The following SLC24A2 variants were observed in gnomAD, a reference collection of about 807,000 sequenced individuals.
SLC24A2 encodes solute carrier family 24 member 2.
A neutral mutation model predicts 62.0 loss-of-function variants in SLC24A2; 36 were observed. That is an observed-to-expected ratio of 0.58 (90% CI 0.44 to 0.77). SLC24A2 has a LOEUF of 0.77. Ranked by LOEUF, SLC24A2 falls within the 30% of genes least tolerant of loss-of-function variation. SLC24A2 has a pLI of 0.00. For missense variants in SLC24A2, 846 were observed against 817.9 expected, an observed-to-expected ratio of 1.03 and a Z score of -0.42; for synonymous variants, 358 against 294.0, an observed-to-expected ratio of 1.22 and a Z score of -2.23.
chr9:20,111,053 T>C, the SLC24A2 span, among the ~76,000 whole-genome samples: 1 of 152,342 alleles, frequency 6.6e-6, no homozygotes, highest in South Asian at 2.1e-4. Context: ...AAGTAAAATG[T>C]GCTGCTGGAT....
the SLC24A2 span, among the ~76,000 whole-genome samples, chr9:20,163,773 C>T: frequency 6.6e-6 from 1 of 152,006 alleles, no homozygotes; most frequent in Non-Finnish European, 1.5e-5. Context: ...GGTACTGGTA[C>T]CAAAACAGAG....
At chr9:19,557,237 T>C (rs1179505076) in intron 7 of SLC24A2, among the ~76,000 whole-genome samples, 2 of 152,342 alleles carry the variant, frequency 1.3e-5, no homozygotes, top group East Asian at 1.9e-4. Context: ...CAGCTTTGTT[T>C]TGTAATAAAT....
chr9:20,253,974 G>C, the SLC24A2 span, among the ~76,000 whole-genome samples: 1 of 152,176 alleles, frequency 6.6e-6, no homozygotes. Context: ...TGGTGTGGAA[G>C]AGAGGGAATA....
At chr9:19,710,641 A>G (rs1048280705) in intron 2 of SLC24A2, among the ~76,000 whole-genome samples, 2 of 152,126 alleles carry the variant, frequency 1.3e-5, no homozygotes, top group African/African-American at 4.8e-5. Context: ...GGAAAATGAT[A>G]TGAGGGATCT....
At chr9:19,774,089 T>C (rs970867897) in intron 2 of SLC24A2, among the ~76,000 whole-genome samples, 1 of 151,810 alleles carries the variant, frequency 6.6e-6, no homozygotes, top group Non-Finnish European at 1.5e-5. Context: ...GAAATGGCAA[T>C]AGGAAAACAC....
chr9:20,095,577 A>G, the SLC24A2 span, among the ~76,000 whole-genome samples: 11 of 152,242 alleles, frequency 7.2e-5, 1 homozygote, highest in Middle Eastern at 6.8e-3. Flanking sequence ...CTACTTCCAG[A>G]CTCAAAGTGA....
the SLC24A2 span, among the ~76,000 whole-genome samples, chr9:19,838,165 A>G: frequency 1.2e-4 from 19 of 152,198 alleles, 1 homozygote; most frequent in African/African-American, 4.6e-4. Context: ...CTGACTTTAA[A>G]CTATACTACA....
chr9:20,091,831 G>A, the SLC24A2 span, among the ~76,000 whole-genome samples: 4 of 152,022 alleles, frequency 2.6e-5, no homozygotes, highest in African/African-American at 9.7e-5. Context: ...GCAAAGACAT[G>A]GAATCAACCT....
chr9:20,002,003 T>G, the SLC24A2 span, among the ~76,000 whole-genome samples: 4 of 152,262 alleles, frequency 2.6e-5, no homozygotes, highest in East Asian at 7.7e-4. Context: ...ATTTATTTAT[T>G]GATAGAATTC....
intron 5 of SLC24A2, among the ~76,000 whole-genome samples, chr9:19,595,595 A>G (rs1238560901): frequency 6.6e-6 from 1 of 152,228 alleles, no homozygotes; most frequent in Non-Finnish European, 1.5e-5. Flanking sequence ...ATCAAGTGAT[A>G]GAATCAGATT....
At chr9:19,566,966 G>C (rs931435453) in intron 7 of SLC24A2, among the ~76,000 whole-genome samples, 17 of 151,800 alleles carry the variant, frequency 1.1e-4, no homozygotes, top group African/African-American at 4.1e-4. Flanking sequence ...GTTGTGGGGT[G>C]GGGGAGGGGG....
chr9:20,247,559 T>G, the SLC24A2 span, among the ~76,000 whole-genome samples: 1 of 152,160 alleles, frequency 6.6e-6, no homozygotes, highest in Non-Finnish European at 1.5e-5. Context: ...AAGTCAATTG[T>G]CTACCAGGAA....
chr9:19,605,303 T>C (rs1028550085), intron 4 of SLC24A2, among the ~76,000 whole-genome samples: 3 of 152,234 alleles, frequency 2.0e-5, no homozygotes, highest in African/African-American at 4.8e-5. Flanking sequence ...TTTTTTAGTC[T>C]GCTGAACACC....
the SLC24A2 span, among the ~76,000 whole-genome samples, chr9:20,265,576 G>A: frequency 3.3e-5 from 5 of 152,126 alleles, no homozygotes; most frequent in African/African-American, 1.2e-4. Flanking sequence ...GTTTTCATAA[G>A]CTGAGGAGGA....
chr9:20,036,724 T>A, the SLC24A2 span, among the ~76,000 whole-genome samples: 1 of 152,212 alleles, frequency 6.6e-6, no homozygotes, highest in African/African-American at 2.4e-5. Context: ...TCTTTCGGTA[T>A]CCCTGGGGGA....
At chr9:20,161,120 T>C in the SLC24A2 span, among the ~76,000 whole-genome samples, 2 of 151,442 alleles carry the variant, frequency 1.3e-5, no homozygotes, top group African/African-American at 4.8e-5. Context: ...TTCTATACAA[T>C]TAAATTTGAA....
At chr9:19,568,308 T>C (rs1425220764) in intron 7 of SLC24A2, among the ~76,000 whole-genome samples, 4 of 152,162 alleles carry the variant, frequency 2.6e-5, no homozygotes, top group African/African-American at 9.7e-5. Context: ...GCAGCTTCCT[T>C]TTCTTGTTCA....
At chr9:19,982,054 T>C in the SLC24A2 span, among the ~76,000 whole-genome samples, 18 of 152,180 alleles carry the variant, frequency 1.2e-4, no homozygotes, top group Non-Finnish European at 1.9e-4. Context: ...TCTGAGAAGA[T>C]TGCAATGAGT....
At chr9:20,072,652 T>C in the SLC24A2 span, among the ~76,000 whole-genome samples, 2 of 152,160 alleles carry the variant, frequency 1.3e-5, no homozygotes, top group Middle Eastern at 3.4e-3. Flanking sequence ...TGGCATGATG[T>C]AATCGCAATG....
Sources: allele counts gnomAD v4.1 joint callset (sites outside exome capture counted in the v4.1 genomes callset), GRCh38; gene constraint gnomAD v4.1.1; transcripts MANE v1.5; gene names NCBI Gene and HGNC (gene_info 2026-07-23, HGNC 2026-07-21).